CD96: variants seen among roughly 807,000 people sequenced by gnomAD.
The protein encoded by CD96 is CD96 molecule, also known as T-cell surface protein tactile.
In CD96, 70 loss-of-function variants were observed where a neutral mutation model predicts 71.3. The observed-to-expected ratio is 0.98, with a 90% CI of 0.81 to 1.20. The LOEUF is 1.20. Among genes scored for constraint, CD96 ranks in the 50% most tolerant of loss-of-function variants. The pLI, the probability that CD96 is intolerant of heterozygous loss-of-function variation, is 0.00. For synonymous variants in CD96, 248 were observed against 233.0 expected, an observed-to-expected ratio of 1.06 and a Z score of -0.59; for missense variants, 742 against 677.5, an observed-to-expected ratio of 1.10 and a Z score of -1.06.
chr3:111,562,517 G>A (rs1028050299), intron 2 of CD96, among the ~76,000 whole-genome samples: 16 of 134,032 alleles, frequency 1.2e-4, no homozygotes, highest in South Asian at 2.5e-4. Context: ...GCAATGCAAG[G>A]CCATTGATCT....
intron 3 of CD96, 134 bp downstream of exon 3, chr3:111,567,781 G>A (rs1248709294): frequency 3.6e-6 from 3 of 828,174 alleles, no homozygotes; most frequent in African/African-American, 1.7e-5. Context: ...GGGAAGAGGG[G>A]TAGGGAAGGA....
intron 12 of CD96, among the ~76,000 whole-genome samples, chr3:111,640,037 G>GA (rs1242944373): frequency 2.0e-5 from 3 of 152,128 alleles, no homozygotes; most frequent in Admixed American, 6.6e-5. Flanking sequence ...GAAGGAACCA[G>GA]AAAACCAACC....
chr3:111,624,485 CTTTG>C, intron 10 of CD96, 81 bp downstream of exon 10: 1 of 837,404 alleles, frequency 1.2e-6, no homozygotes, highest in East Asian at 2.4e-5. Flanking sequence ...CATCTATGTG[CTTTG>C]TTTGTAATAA....
chr3:111,661,199 A>T (rs1940345960), intron 14 of CD96, among the ~76,000 whole-genome samples: 1 of 152,110 alleles, frequency 6.6e-6, no homozygotes, highest in Non-Finnish European at 1.5e-5. Context: ...TCTCATGAGA[A>T]CTCACTCACT....
chr3:111,559,045 G>T (rs181284418), intron 2 of CD96, among the ~76,000 whole-genome samples: 1 of 152,144 alleles, frequency 6.6e-6, no homozygotes. Context: ...TGTGGGAAAG[G>T]TGGTGATATC....
intron 7 of CD96, among the ~76,000 whole-genome samples, chr3:111,601,189 C>T (rs1937482708): frequency 6.6e-6 from 1 of 152,128 alleles, no homozygotes; most frequent in Non-Finnish European, 1.5e-5. Context: ...CATCATAACT[C>T]TTAATTAGTT....
At chr3:111,543,094 C>T (rs1488091627) in intron 1 of CD96, among the ~76,000 whole-genome samples, 1 of 152,186 alleles carries the variant, frequency 6.6e-6, no homozygotes, top group African/African-American at 2.4e-5. Context: ...TTACATTAAA[C>T]TGTACTAACC....
chr3:111,590,589 T>C (rs1315011272), intron 5 of CD96, among the ~76,000 whole-genome samples: 1 of 152,204 alleles, frequency 6.6e-6, no homozygotes, highest in Admixed American at 6.5e-5. Flanking sequence ...CTAAAGAGAG[T>C]GTCACACCTG....
At chr3:111,569,642 T>G (rs1935882832) in intron 3 of CD96, among the ~76,000 whole-genome samples, 1 of 152,230 alleles carries the variant, frequency 6.6e-6, no homozygotes, top group Non-Finnish European at 1.5e-5. Flanking sequence ...AAAGCCTTAC[T>G]GTAGATATTT....
Position 111,583,874 on chromosome 3 carries a change from G to A in CD96, c.752-1449G>A, listed in dbSNP as rs117287483. On this transcript the variant is annotated intron_variant, in intron 4 of 13. Coordinates refer to ENST00000352690, the MANE Select transcript of CD96 (RefSeq NM_005816.5). ...AGGGGCTGCTGTGAAGGTCTCTGAT[G>A]TGGCCTGGGGACATTTTCCCCATGG... Among the ~76,000 whole-genome samples, 141 of 152,332 alleles carry A rather than the reference G, an allele frequency of 9.3e-4. 1 individual carries two copies. The East Asian group carries it at 0.025, about 27-fold the overall frequency.
At chr3:111,567,485 A>C in intron 2 of CD96, 38 bp from the exon 3 acceptor site, 2 of 1,575,830 alleles carry the variant, frequency 1.3e-6, no homozygotes, top group Non-Finnish European at 1.7e-6. Context: ...CAAACCAATC[A>C]GAGATTCACA....
intron 2 of CD96, among the ~76,000 whole-genome samples, chr3:111,553,280 T>C (rs1048573567): frequency 2.0e-5 from 3 of 152,022 alleles, no homozygotes; most frequent in African/African-American, 4.8e-5. Context: ...CTTTGCGATA[T>C]ATTTGTTGAA....
intron 4 of CD96, among the ~76,000 whole-genome samples, chr3:111,580,977 T>C (rs1254458793): frequency 6.6e-6 from 1 of 152,224 alleles, no homozygotes; most frequent in Admixed American, 6.5e-5. Flanking sequence ...TGATCAAGAC[T>C]TTTTGCATCA....
intron 8 of CD96, among the ~76,000 whole-genome samples, chr3:111,619,003 A>T (rs1294070056): frequency 6.6e-6 from 1 of 152,178 alleles, no homozygotes; most frequent in Admixed American, 6.5e-5. Flanking sequence ...GTTGTTTGGA[A>T]AATATTTCAG....
intron 5 of CD96, among the ~76,000 whole-genome samples, chr3:111,591,764 C>A (rs1339761986): frequency 6.6e-6 from 1 of 152,156 alleles, no homozygotes; most frequent in East Asian, 1.9e-4. Context: ...TAATATCAGG[C>A]AGATCTCTAG....
chr3:111,647,923 A>T (rs1487989879), intron 13 of CD96, among the ~76,000 whole-genome samples: 1 of 152,162 alleles, frequency 6.6e-6, no homozygotes, highest in African/African-American at 2.4e-5. Context: ...GTCCGTGGAC[A>T]TGAAATGAGA....
At chr3:111,572,173 G>A (rs901086151) in intron 3 of CD96, among the ~76,000 whole-genome samples, 1 of 152,138 alleles carries the variant, frequency 6.6e-6, no homozygotes, top group African/African-American at 2.4e-5. Context: ...GGACCACCCC[G>A]AACATGCTTA....
intron 8 of CD96, among the ~76,000 whole-genome samples, chr3:111,608,080 TTCTTTCATGAG>T (rs1937713633): frequency 7.0e-6 from 1 of 141,956 alleles, no homozygotes; most frequent in South Asian, 2.4e-4. Flanking sequence ...CTAACCTGGG[TTCTTTCATGAG>T]GTGCAGTCAC....
chr3:111,664,364 G>A (rs566114226), intron 14 of CD96, among the ~76,000 whole-genome samples: 35 of 152,174 alleles, frequency 2.3e-4, no homozygotes, highest in Non-Finnish European at 4.6e-4. Flanking sequence ...GCAGCAACGT[G>A]GATGTAGTTT....
Sources: gnomAD v4.1 joint callset for allele counts (sites outside exome capture counted in the v4.1 genomes callset) on GRCh38, gnomAD v4.1.1 for gene constraint, MANE v1.5 for transcripts, NCBI Gene and HGNC (gene_info 2026-07-23, HGNC 2026-07-21) for gene names.